Variants in GSR observed in about 807,000 individuals in gnomAD.
The protein encoded by GSR is glutathione reductase, mitochondrial.
GSR carries 48 observed loss-of-function variants against 56.5 expected under a neutral mutation model. The observed-to-expected ratio is 0.85, with a 90% CI of 0.67 to 1.08. The LOEUF (loss-of-function observed/expected upper bound fraction) is 1.08. GSR is among the 50% of genes least tolerant of loss of function. The probability of loss-of-function intolerance (pLI) is 0.00; values close to 1 mark genes in which losing one functional copy is unlikely to be tolerated. For synonymous variants in GSR, 264 were observed against 270.8 expected, an observed-to-expected ratio of 0.97 and a Z score of 0.25; for missense variants, 694 against 703.3, an observed-to-expected ratio of 0.99 and a Z score of 0.15.
At chr8:30,701,709 C>T (rs947569991) in intron 5 of GSR, among the ~76,000 whole-genome samples, 3 of 144,002 alleles carry the variant, frequency 2.1e-5, no homozygotes, top group African/African-American at 7.7e-5. Context: ...AGGAGAATTG[C>T]TTAAACCCGG....
At chr8:30,681,363 C>G (rs1235444207) in intron 11 of GSR, among the ~76,000 whole-genome samples, 5 of 151,844 alleles carry the variant, frequency 3.3e-5, no homozygotes, top group African/African-American at 1.2e-4. Context: ...AACCCCATCT[C>G]TACAAAAAAT....
At chr8:30,723,032 T>C (rs1014452562) in intron 1 of GSR, among the ~76,000 whole-genome samples, 1 of 152,154 alleles carries the variant, frequency 6.6e-6, no homozygotes, top group African/African-American at 2.4e-5. Context: ...CCAACTCTCA[T>C]TGGTAAGTAC....
intron 1 of GSR, among the ~76,000 whole-genome samples, chr8:30,723,341 T>C (rs1804611267): frequency 6.6e-6 from 1 of 152,092 alleles, no homozygotes; most frequent in Non-Finnish European, 1.5e-5. Flanking sequence ...AAATGCTGAA[T>C]TCAAGCAAGG....
intron 1 of GSR, among the ~76,000 whole-genome samples, chr8:30,715,889 TTA>T (rs1434692355): frequency 6.6e-6 from 1 of 152,228 alleles, no homozygotes; most frequent in African/African-American, 2.4e-5. Context: ...AATATGTTTT[TTA>T]AAAAAGTTTT....
intron 7 of GSR, 65 bp downstream of exon 7, chr8:30,696,314 TA>T: frequency 9.0e-7 from 1 of 1,112,484 alleles, no homozygotes; most frequent in Non-Finnish European, 1.4e-6. Context: ...AACGACAACA[TA>T]AGAAAAAATT....
chr8:30,709,236 G>A (rs562245724), intron 3 of GSR, among the ~76,000 whole-genome samples: 6 of 152,020 alleles, frequency 3.9e-5, no homozygotes, highest in East Asian at 1.9e-4. Flanking sequence ...ATGGTGGCAC[G>A]TGCCTGTAGT....
intron 8 of GSR, among the ~76,000 whole-genome samples, chr8:30,689,948 T>C (rs1433098511): frequency 7.1e-6 from 1 of 141,836 alleles, no homozygotes; most frequent in African/African-American, 2.6e-5. Flanking sequence ...ATGTATTAAA[T>C]ATATGTATAT....
intron 6 of GSR, among the ~76,000 whole-genome samples, chr8:30,698,290 T>G (rs1296951608): frequency 6.6e-6 from 1 of 152,196 alleles, no homozygotes; most frequent in Non-Finnish European, 1.5e-5. Context: ...TAAATGTAAA[T>G]ATTTAAAATT....
chr8:30,715,110 A>C (rs960824010), intron 1 of GSR, among the ~76,000 whole-genome samples: 1 of 151,820 alleles, frequency 6.6e-6, no homozygotes, highest in Non-Finnish European at 1.5e-5. Flanking sequence ...AGACCCTGAG[A>C]CCCCATCTCT....
At chr8:30,697,488 TATGA>T (rs1554571674) in intron 6 of GSR, among the ~76,000 whole-genome samples, 2 of 151,706 alleles carry the variant, frequency 1.3e-5, no homozygotes, top group Non-Finnish European at 2.9e-5. Context: ...ATTATCCAAG[TATGA>T]TGGTCCATGT....
chr8:30,694,684 G>T (rs1803489256), intron 7 of GSR, among the ~76,000 whole-genome samples: 1 of 151,994 alleles, frequency 6.6e-6, no homozygotes, highest in South Asian at 2.1e-4. Context: ...AGCACTTTGG[G>T]AGGCCGAGGT....
chr8:30,687,669 A>G, intron 9 of GSR: 1 of 152,444 alleles, frequency 6.6e-6, no homozygotes, highest in Non-Finnish European at 1.5e-5. Context: ...CAAACAAACA[A>G]ACAAACAAAA....
In GSR at chr8:30,712,090, T is replaced by G; in HGVS notation, c.307-2A>C. ...TTTGGGTACACATCCAACATTCACC[T>G]GGAAAAAAAAAAAAGAGACACACTT... On this transcript the variant is annotated splice_acceptor_variant, in intron 1 of 12. Transcript: ENST00000221130. LOFTEE classifies it high-confidence loss of function. The G allele has an allele frequency of 7.0e-7, 1 of 1,429,372 alleles. No homozygotes were observed. Among genetic ancestry groups the G allele is most frequent in the Non-Finnish European group, 9.7e-7 (1 of 1,026,350 alleles). 88.5% of individuals were successfully genotyped at this position (1,429,372 alleles called of 1,614,324 possible). A position where few individuals can be genotyped will look rare whatever the true frequency, so the allele number is the denominator to read the frequency against.
intron 6 of GSR, among the ~76,000 whole-genome samples, chr8:30,697,491 G>C (rs1464272742): frequency 6.6e-6 from 1 of 151,962 alleles, no homozygotes; most frequent in East Asian, 1.9e-4. Context: ...ATCCAAGTAT[G>C]ATGGTCCATG....
chr8:30,702,997 G>C, intron 5 of GSR, 96 bp downstream of exon 5: 2 of 1,298,324 alleles, frequency 1.5e-6, no homozygotes, highest in Admixed American at 1.7e-5. Context: ...TCCAAAGAGA[G>C]AACTGGTTTA....
intron 1 of GSR, among the ~76,000 whole-genome samples, chr8:30,725,018 T>C (rs190540967): frequency 6.6e-6 from 1 of 152,354 alleles, no homozygotes; most frequent in East Asian, 1.9e-4. Context: ...TGAACTTTCC[T>C]TCTGGCATAC....
intron 7 of GSR, among the ~76,000 whole-genome samples, chr8:30,695,471 T>G (rs1033170531): frequency 6.6e-6 from 1 of 152,092 alleles, no homozygotes; most frequent in East Asian, 1.9e-4. Flanking sequence ...TGACCTCAAG[T>G]GATCCGCCCG....
At chr8:30,690,106 A>G (rs1221945514) in intron 8 of GSR, among the ~76,000 whole-genome samples, 1 of 144,738 alleles carries the variant, frequency 6.9e-6, no homozygotes, top group Non-Finnish European at 1.5e-5. Context: ...AATAAAATAT[A>G]CATATATAAA....
chr8:30,720,355 G>A (rs1006528624), intron 1 of GSR, among the ~76,000 whole-genome samples: 1 of 152,120 alleles, frequency 6.6e-6, no homozygotes, highest in Non-Finnish European at 1.5e-5. Flanking sequence ...GAAAATAGAC[G>A]AGTCATAATT....
Sources: gnomAD v4.1 joint callset for allele counts (sites outside exome capture counted in the v4.1 genomes callset) on GRCh38, gnomAD v4.1.1 for gene constraint, MANE v1.5 for transcripts, NCBI Gene and HGNC (gene_info 2026-07-23, HGNC 2026-07-21) for gene names.